Variants in HOOK1 observed in about 807,000 individuals in gnomAD.
The protein encoded by HOOK1 is hook microtubule tethering protein 1.
In HOOK1, 60 loss-of-function variants were observed where a neutral mutation model predicts 112.8. That is an observed-to-expected ratio of 0.53 (90% CI 0.43 to 0.66). The LOEUF (loss-of-function observed/expected upper bound fraction) is 0.66, where lower values mean the gene tolerates loss of function less well. Ranked by LOEUF, HOOK1 falls within the 30% of genes least tolerant of loss-of-function variation. HOOK1 has a pLI of 0.00. For missense variants in HOOK1, 770 were observed against 856.0 expected (o/e 0.90, Z 1.25); for synonymous variants, 294 against 283.8 (o/e 1.04, Z -0.36).
intron 12 of HOOK1, among the ~76,000 whole-genome samples, chr1:59,854,618 T>C (rs2098409537): frequency 1.3e-5 from 2 of 152,204 alleles, no homozygotes; most frequent in African/African-American, 2.4e-5. Flanking sequence ...GTCATCCTAC[T>C]GTGTTATGGC....
Position 59,828,799 on chromosome 1 carries a change from G to A in HOOK1, c.169G>A (p.Glu57Lys), listed in dbSNP as rs144341495. 8 of 1,612,894 alleles carry A rather than the reference G, an allele frequency of 5.0e-6. No homozygotes were observed. Among genetic ancestry groups the A allele is most frequent in the East Asian group, 4.5e-5 (2 of 44,816 alleles). The change falls in exon 3 of 22, where the codon GAA (glutamate) becomes AAA (lysine). Residue 57 changes from glutamate (E) to lysine (K), a missense_variant. Around this residue, in one of 3 missense-constraint regions of HOOK1, gnomAD observed 655 missense variants for 725.9 expected, o/e 0.90. Coordinates refer to ENST00000371208, the MANE Select transcript of HOOK1 (RefSeq NM_015888.6). ...TTTCAGTGATGCAGCTTGGTTTAAC[G>A]AATCTTGGTTAAGCCGAATTAAAGA... ...LHQIDAAWFN[E>K]SWLSRIKEDV...
In HOOK1 at chr1:59,875,513, T is replaced by C. The variant is rs1644117832; in HGVS notation, c.*2548T>C. 1 of 152,638 alleles carries C rather than the reference T, an allele frequency of 6.6e-6. No individual in the cohort carries two copies. Among genetic ancestry groups the C allele is most frequent in the Non-Finnish European group, 1.5e-5 (1 of 68,014 alleles). 9.5% of individuals were successfully genotyped at this position (152,638 alleles called of 1,614,324 possible). A position where few individuals can be genotyped will look rare whatever the true frequency, so the allele number is the denominator to read the frequency against. On this transcript the variant is annotated 3_prime_UTR_variant, in exon 22 of 22. Coordinates refer to ENST00000371208, the MANE Select transcript of HOOK1 (RefSeq NM_015888.6). ...ACACCCTGTGGGTGGTAAAGCATTA[T>C]AAACATTTCATCTTGAACCATGATT...
intron 18 of HOOK1, among the ~76,000 whole-genome samples, chr1:59,865,594 A>G (rs577503703): frequency 6.6e-6 from 1 of 152,178 alleles, no homozygotes; most frequent in African/African-American, 2.4e-5. Context: ...TGTAAGGTAT[A>G]TTTGCTATTT....
intron 18 of HOOK1, 42 bp from the exon 19 acceptor site, chr1:59,865,830 A>G: frequency 1.1e-6 from 1 of 913,170 alleles, no homozygotes; most frequent in Non-Finnish European, 1.7e-6. Context: ...TAGGTAGTAA[A>G]TATTAATAAC....
intron 5 of HOOK1, among the ~76,000 whole-genome samples, chr1:59,834,295 T>G (rs2098396076): frequency 6.6e-6 from 1 of 152,160 alleles, no homozygotes; most frequent in East Asian, 1.9e-4. Flanking sequence ...TGGAAAACAT[T>G]CAACATTGTC....
intron 12 of HOOK1, among the ~76,000 whole-genome samples, chr1:59,851,097 GA>G (rs1296343113): frequency 8.6e-5 from 13 of 151,600 alleles, no homozygotes; most frequent in African/African-American, 2.6e-4. Context: ...GTTAAGTTTT[GA>G]AATTGGAAAG....
chr1:59,868,933 G>A (rs1644012661), intron 20 of HOOK1, among the ~76,000 whole-genome samples: 1 of 152,108 alleles, frequency 6.6e-6, no homozygotes, highest in Admixed American at 6.5e-5. Flanking sequence ...AGATATTTTT[G>A]TGTTAGTGGT....
chr1:59,848,028 T>A lies in HOOK1; in HGVS notation c.930-287T>A, dbSNP rs1400098473. Among the ~76,000 whole-genome samples the A allele has an allele frequency of 2.0e-5, 3 of 151,646 alleles. No individual in the cohort carries two copies. The East Asian group carries it at 5.8e-4, about 29-fold the overall frequency. ...AATTTTATGTACAAATCATTATTTT[T>A]TATTCATTGTGCTAATATATGAAAC... On this transcript the variant is annotated intron_variant, in intron 10 of 21. Transcript: ENST00000371208.
At chr1:59,825,156 G>A (rs549177059) in intron 2 of HOOK1, among the ~76,000 whole-genome samples, 12 of 152,212 alleles carry the variant, frequency 7.9e-5, no homozygotes, top group Middle Eastern at 3.4e-3. Flanking sequence ...TCAGATTAGG[G>A]CCCATCCTAA....
rs553059593 is a variant in HOOK1, at chr1:59,815,042, G to C, written c.-76G>C. 4.2e-5 allele frequency: 61 copies of C among 1,438,100 alleles called. No homozygotes were observed. The South Asian group carries it at 7.2e-4, about 17-fold the overall frequency. The allele number at this position is 1,438,100 out of a possible 1,614,324, so 89.1% of individuals were successfully genotyped here. A position where few individuals can be genotyped will look rare whatever the true frequency, so the allele number is the denominator to read the frequency against. ...CTTTCCTGGGGGCTAGCAGGTCGTG[G>C]ACGCCGGCTCCTGGAGGAGAGCCGG... On this transcript the variant is annotated 5_prime_UTR_variant, in exon 1 of 22. Coordinates refer to ENST00000371208, the MANE Select transcript of HOOK1 (RefSeq NM_015888.6).
chr1:59,837,014 A>G, intron 7 of HOOK1, 79 bp downstream of exon 7: 1 of 856,510 alleles, frequency 1.2e-6, no homozygotes. Flanking sequence ...AAGGCTTACA[A>G]AGAGAGCATA....
At chr1:59,819,267 A>C (rs2098383835) in intron 1 of HOOK1, among the ~76,000 whole-genome samples, 1 of 141,278 alleles carries the variant, frequency 7.1e-6, no homozygotes, top group African/African-American at 2.7e-5. Flanking sequence ...CTCCTGTCTC[A>C]CCCTCCCTAG....
chr1:59,818,428 C>T (rs2101999217), intron 1 of HOOK1, among the ~76,000 whole-genome samples: 1 of 152,170 alleles, frequency 6.6e-6, no homozygotes, highest in East Asian at 1.9e-4. Context: ...TGGAACTCAC[C>T]GTCTTAAAAT....
Position 59,828,846 on chromosome 1 carries a change from A to G in HOOK1, c.216A>G (p.Arg72=), listed in dbSNP as rs764493491. 12 of 1,612,578 alleles carry G rather than the reference A, an allele frequency of 7.4e-6. No individual in the cohort carries two copies. ...RIKEDVGDNW[R]IKASNVKKVL... ...AAGAGGATGTTGGGGACAACTGGAG[A>G]ATAAAGGTATGCAGAACAAATGGGA... is the stretch of plus-strand genomic sequence containing the variant. Residue 72 remains arginine (R), a synonymous_variant, in exon 3 of 22, where the codon AGA becomes AGG. Coordinates refer to ENST00000371208, the MANE Select transcript of HOOK1 (RefSeq NM_015888.6).
intron 1 of HOOK1, among the ~76,000 whole-genome samples, chr1:59,816,289 CT>C (rs1439556089): frequency 6.6e-6 from 1 of 152,160 alleles, no homozygotes; most frequent in African/African-American, 2.4e-5. Flanking sequence ...AAGTAAATAA[CT>C]TTTGCTTTTA....
Position 59,821,848 on chromosome 1 carries a change from G to A in HOOK1, c.64-10G>A. ...GAAGCAGTAAGATCATTTGATTTATGTCATTTTAGCTGCAGACATTCAATA... is the reference window on the plus strand; with the variant it reads ...GAAGCAGTAAGATCATTTGATTTATATCATTTTAGCTGCAGACATTCAATA... On this transcript the variant is annotated splice_polypyrimidine_tract_variant and intron_variant, in intron 1 of 21. Transcript: ENST00000371208. The A allele has an allele frequency of 3.2e-6, 5 of 1,568,386 alleles. No homozygotes were observed. Among genetic ancestry groups the A allele is most frequent in the South Asian group, 1.2e-5 (1 of 84,082 alleles).
chr1:59,833,689 T>G (rs2098395643), intron 5 of HOOK1, 152 bp downstream of exon 5: 1 of 566,298 alleles, frequency 1.8e-6, no homozygotes, highest in African/African-American at 1.9e-5. Flanking sequence ...ACTCTGTCGT[T>G]GAAAAGTGGC....
At chr1:59,823,365 A>T (rs1460666252) in intron 2 of HOOK1, among the ~76,000 whole-genome samples, 1 of 152,162 alleles carries the variant, frequency 6.6e-6, no homozygotes. Flanking sequence ...TTTATATCTT[A>T]ATTGATTTTG....
intron 6 of HOOK1, among the ~76,000 whole-genome samples, chr1:59,836,401 G>C (rs1286685293): frequency 6.6e-6 from 1 of 152,146 alleles, no homozygotes; most frequent in African/African-American, 2.4e-5. Context: ...TTTGGATTCA[G>C]AGTATCCCTG....
Sources: gnomAD v4.1 joint callset for allele counts (sites outside exome capture counted in the v4.1 genomes callset) on GRCh38, gnomAD v4.1.1 for gene constraint, gnomAD v4.1.1 regional missense constraint, MANE v1.5 for transcripts, NCBI Gene and HGNC (gene_info 2026-07-23, HGNC 2026-07-21) for gene names.